MACROD2: variants seen among roughly 807,000 people sequenced by gnomAD.
The protein encoded by MACROD2 is ADP-ribose glycohydrolase MACROD2.
A neutral mutation model predicts 70.4 loss-of-function variants in MACROD2; 36 were observed. The observed-to-expected ratio is 0.51, with a 90% CI of 0.39 to 0.68. The LOEUF (loss-of-function observed/expected upper bound fraction) is 0.68, where lower values mean the gene tolerates loss of function less well. Among genes scored for constraint, MACROD2 ranks in the 30% least tolerant of loss-of-function variants. MACROD2 has a pLI of 0.00. For missense variants in MACROD2, 496 were observed against 538.4 expected (o/e 0.92, Z 0.78); for synonymous variants, 172 against 178.8 (o/e 0.96, Z 0.30).
rs531675912 is a variant in MACROD2 at position 15,332,130 on chromosome 20, G to A, written c.541-99275G>A. ...GGAAAAGTTTGAACTGATAGTGTGGGCTCTCCAGTGCTGTTGACATGGGCA... is the reference window on the plus strand; with the variant it reads ...GGAAAAGTTTGAACTGATAGTGTGGACTCTCCAGTGCTGTTGACATGGGCA... On this transcript the variant is annotated intron_variant, in intron 6 of 17. Transcript: ENST00000684519. Among the ~76,000 whole-genome samples the A allele has an allele frequency of 2.0e-5, 3 of 151,536 alleles. No individual in the cohort carries two copies. The South Asian group carries it at 6.2e-4, about 32-fold the overall frequency.
intron 8 of MACROD2, among the ~76,000 whole-genome samples, chr20:15,805,105 A>G (rs1418151503): frequency 6.6e-6 from 1 of 152,148 alleles, no homozygotes; most frequent in African/African-American, 2.4e-5. Context: ...CAAATAAACC[A>G]TTTATACTTA....
At chr20:15,288,616 C>T (rs1303334265) in intron 6 of MACROD2, among the ~76,000 whole-genome samples, 4 of 152,134 alleles carry the variant, frequency 2.6e-5, no homozygotes, top group South Asian at 2.1e-4. Flanking sequence ...TTTTCTCTTC[C>T]GGAACTAGGA....
intron 5 of MACROD2, among the ~76,000 whole-genome samples, chr20:14,994,066 T>C (rs2074928861): frequency 6.6e-6 from 1 of 151,914 alleles, no homozygotes; most frequent in African/African-American, 2.4e-5. Context: ...CATCCAAGAG[T>C]TTTAGGATTA....
chr20:14,535,191 ATTAG>A (rs1241501012), intron 4 of MACROD2, among the ~76,000 whole-genome samples: 3 of 152,176 alleles, frequency 2.0e-5, no homozygotes, highest in Admixed American at 6.5e-5. Flanking sequence ...GTATTTTTGA[ATTAG>A]TTAGGCATCT....
At position 14,692,472 on chromosome 20, in the gene MACROD2, T is replaced by C. The variant is rs543674094; in HGVS notation, c.418+7513T>C. On this transcript the variant is annotated intron_variant, in intron 5 of 17. Transcript: ENST00000684519. The stretch of plus-strand genomic sequence containing the variant: ...AAAATAACATTTTAAGAAGGGAAGG[T>C]GTCCTATGGGTCTCATTTACCCCTG... Among the ~76,000 whole-genome samples, 59 of 152,300 alleles carry C rather than the reference T, an allele frequency of 3.9e-4. No homozygotes were observed. The Middle Eastern group carries it at 0.01, about 26-fold the overall frequency.
chr20:14,386,081 A>G (rs534043029), intron 3 of MACROD2, among the ~76,000 whole-genome samples: 4 of 152,200 alleles, frequency 2.6e-5, no homozygotes, highest in Non-Finnish European at 4.4e-5. Context: ...ACTTAATGCC[A>G]TATATTATTT....
At position 15,731,766 on chromosome 20, in the gene MACROD2, T is replaced by A. The variant is rs1203830279; in HGVS notation, c.646-130979T>A. 9.0e-5 allele frequency among the ~76,000 whole-genome samples: 5 copies of A among 55,258 alleles called. 2 individuals are homozygous for A. In the East Asian group the frequency reaches 1.4e-3, roughly 15 times the overall value. The allele number at this position is 55,258 out of a possible 152,430, so 36.3% of individuals were successfully genotyped here. A position where few individuals can be genotyped will look rare whatever the true frequency, so the allele number is the denominator to read the frequency against. Reference sequence around the variant, plus strand: ...ATTCTTTTTTTTCTTTTTATTTTTTTTTTTTTGAGACGGAGTTTCACTCTT... The same window carrying A: ...ATTCTTTTTTTTCTTTTTATTTTTTATTTTTTGAGACGGAGTTTCACTCTT... On this transcript the variant is annotated intron_variant, in intron 8 of 17. Coordinates refer to ENST00000684519, the MANE Select transcript of MACROD2 (RefSeq NM_001351661.2).
chr20:14,996,384 C>T lies in MACROD2; in HGVS notation c.419-233556C>T, dbSNP rs1007595830. Among the ~76,000 whole-genome samples, 5 of 152,128 alleles carry T rather than the reference C, an allele frequency of 3.3e-5. 1 individual carries two copies. The highest frequency in any genetic ancestry group is 2.0e-4 in the Admixed American group (3 of 15,278). ...ACCAGGAAGGAGCTGTGAACATTAA[C>T]GTTGATAAAGAAAAGCCCATTGAAG... On this transcript the variant is annotated intron_variant, in intron 5 of 17. Coordinates refer to ENST00000684519, the MANE Select transcript of MACROD2 (RefSeq NM_001351661.2).
At chr20:15,041,413 A>G (rs1485557104) in intron 5 of MACROD2, among the ~76,000 whole-genome samples, 1 of 152,112 alleles carries the variant, frequency 6.6e-6, no homozygotes, top group African/African-American at 2.4e-5. Flanking sequence ...TACTACTTCT[A>G]GATTTTGATT....
At position 14,951,919 on chromosome 20, in the gene MACROD2, T is replaced by A. The variant is rs556862399; in HGVS notation, c.418+266960T>A. On this transcript the variant is annotated intron_variant, in intron 5 of 17. Transcript: ENST00000684519. ...CCCCTTCAGGGCAGCTTCTCCATTT[T>A]TTTTTTTTTTTTCCAGAGCTTATTA... Among the ~76,000 whole-genome samples the A allele has an allele frequency of 1.9e-4, 26 of 139,860 alleles. No homozygotes were observed. In the East Asian group the frequency reaches 4.3e-3, roughly 23 times the overall value. 91.8% of individuals were successfully genotyped at this position (139,860 alleles called of 152,430 possible).
chr20:15,796,945 G>T (rs938918474), intron 8 of MACROD2, among the ~76,000 whole-genome samples: 1 of 152,156 alleles, frequency 6.6e-6, no homozygotes, highest in African/African-American at 2.4e-5. Flanking sequence ...GAGTGTGTTT[G>T]ACTGCAATTA....
rs1020977447 is a variant in MACROD2, at chr20:14,993,849, A to G, written c.419-236091A>G. The stretch of plus-strand genomic sequence containing the variant: ...CTTAGAAAACAGATAGATATAATCA[A>G]TCTTTATGAAATAATTATTTGCCTT... On this transcript the variant is annotated intron_variant, in intron 5 of 17. Transcript: ENST00000684519. 2.0e-5 allele frequency among the ~76,000 whole-genome samples: 3 copies of G among 152,088 alleles called. No homozygotes were observed. The Admixed American group carries it at 2.0e-4, about 10-fold the overall frequency.
chr20:14,003,339 G>A (rs1242881259), intron 2 of MACROD2, among the ~76,000 whole-genome samples: 1 of 152,142 alleles, frequency 6.6e-6, no homozygotes, highest in Non-Finnish European at 1.5e-5. Flanking sequence ...TGTTTTTCTA[G>A]AAAGGCAAAG....
At position 15,028,983 on chromosome 20, in the gene MACROD2, A is replaced by G. The variant is rs543537003; in HGVS notation, c.419-200957A>G. Among the ~76,000 whole-genome samples, 26 of 152,308 alleles carry G rather than the reference A, an allele frequency of 1.7e-4. No individual in the cohort carries two copies. The South Asian group carries it at 5.2e-3, about 30-fold the overall frequency. ...ACAGTGACCTTCCACATAATTCAGC[A>G]TATCTGCTGCAGAGGTAGCCAAGAA... is the stretch of plus-strand genomic sequence containing the variant. On this transcript the variant is annotated intron_variant, in intron 5 of 17. Transcript: ENST00000684519.
At chr20:14,275,386 T>C (rs1231967826) in intron 3 of MACROD2, among the ~76,000 whole-genome samples, 6 of 151,996 alleles carry the variant, frequency 3.9e-5, no homozygotes, top group Non-Finnish European at 7.4e-5. Context: ...GGGGAAAGGA[T>C]TCCCTATTTA....
chr20:14,656,657 G>T (rs749743446), intron 4 of MACROD2, among the ~76,000 whole-genome samples: 18 of 152,220 alleles, frequency 1.2e-4, no homozygotes, highest in East Asian at 3.9e-4. Flanking sequence ...ACTAAAACGC[G>T]TGTCTCCGAG....
chr20:15,819,082 T>TA (rs1209767550), intron 8 of MACROD2, among the ~76,000 whole-genome samples: 1 of 151,758 alleles, frequency 6.6e-6, no homozygotes, highest in Non-Finnish European at 1.5e-5. Flanking sequence ...CACTACCTTG[T>TA]AAAGATATCT....
At chr20:14,906,961 T>C (rs2073966789) in intron 5 of MACROD2, among the ~76,000 whole-genome samples, 1 of 152,150 alleles carries the variant, frequency 6.6e-6, no homozygotes, top group Admixed American at 6.5e-5. Context: ...AAATACAGAA[T>C]TGTATGGAAT....
chr20:14,825,072 C>T (rs1441601092), intron 5 of MACROD2, among the ~76,000 whole-genome samples: 1 of 152,092 alleles, frequency 6.6e-6, no homozygotes, highest in Non-Finnish European at 1.5e-5. Context: ...CCTCCAGCTG[C>T]CTTTTTAACC....
Sources: gnomAD v4.1 joint callset for allele counts (sites outside exome capture counted in the v4.1 genomes callset) on GRCh38, gnomAD v4.1.1 for gene constraint, MANE v1.5 for transcripts, NCBI Gene and HGNC (gene_info 2026-07-23, HGNC 2026-07-21) for gene names.